The following ZFAT variants were observed in gnomAD, a reference collection of about 807,000 sequenced individuals.
ZFAT encodes zinc finger and AT-hook domain containing, also known as zinc finger protein ZFAT.
ZFAT carries 64 observed loss-of-function variants against 117.7 expected under a neutral mutation model. That is an observed-to-expected ratio of 0.54 (90% confidence interval 0.44 to 0.67). The LOEUF (loss-of-function observed/expected upper bound fraction) is 0.67, where lower values mean the gene tolerates loss of function less well. Among genes scored for constraint, ZFAT ranks in the 30% least tolerant of loss-of-function variants. ZFAT has a pLI of 0.00. For synonymous variants in ZFAT, 679 were observed against 615.0 expected, an observed-to-expected ratio of 1.10 and a Z score of -1.54; for missense variants, 1,433 against 1,584.5, an observed-to-expected ratio of 0.90 and a Z score of 1.62.
chr8:134,601,420 G>T, intron 6 of ZFAT, 57 bp downstream of exon 6: 1 of 1,535,608 alleles, frequency 6.5e-7, no homozygotes, highest in Non-Finnish European at 8.8e-7. Context: ...CAAATGCGAG[G>T]TGACCACAGC....
chr8:134,660,982 G>A (rs1831896069), intron 1 of ZFAT, among the ~76,000 whole-genome samples: 1 of 152,228 alleles, frequency 6.6e-6, no homozygotes, highest in South Asian at 2.1e-4. Context: ...TCTCAGGCAG[G>A]GAAACTGGAC....
chr8:134,753,441 C>T, the ZFAT span, among the ~76,000 whole-genome samples: 2 of 152,318 alleles, frequency 1.3e-5, no homozygotes, highest in East Asian at 3.9e-4. Context: ...GACACACTCG[C>T]ACATGACTGG....
chr8:134,684,818 C>A (rs891055247), intron 1 of ZFAT, among the ~76,000 whole-genome samples: 9 of 152,154 alleles, frequency 5.9e-5, no homozygotes, highest in Non-Finnish European at 1.2e-4. Context: ...AGCCTAACCT[C>A]AAAGTGCCAG....
At chr8:134,762,162 T>C in the ZFAT span, among the ~76,000 whole-genome samples, 2 of 152,184 alleles carry the variant, frequency 1.3e-5, no homozygotes, top group Admixed American at 6.5e-5. Flanking sequence ...AGACATATGC[T>C]CCACCCTCTC....
At chr8:134,755,437 G>T in the ZFAT span, among the ~76,000 whole-genome samples, 2 of 151,368 alleles carry the variant, frequency 1.3e-5, no homozygotes, top group Non-Finnish European at 2.9e-5. Context: ...AGCTTTTAGG[G>T]TGTAAGTGGT....
chr8:134,550,310 G>GAAAAAAAAAAAA lies in ZFAT; in HGVS notation c.2976+15011_2976+15022dup, dbSNP rs10680896. ...ATTCCATCCAGGGTTGGTCACAACGGAAAAAAAAAAAAAAAAAAAAAACAG... is the reference window on the plus strand; with the variant it reads ...ATTCCATCCAGGGTTGGTCACAACGGAAAAAAAAAAAAAAAAAAAAAAAAAAAAAAAAAACAG... On this transcript the variant is annotated intron_variant, in intron 11 of 15. Transcript: ENST00000377838. Among the ~76,000 whole-genome samples the GAAAAAAAAAAAA allele has an allele frequency of 9.6e-3, 697 of 72,470 alleles. 63 individuals are homozygous for GAAAAAAAAAAAA. The highest frequency in any genetic ancestry group is 0.014 in the Non-Finnish European group (551 of 38,860). 47.5% of individuals were successfully genotyped at this position (72,470 alleles called of 152,430 possible).
chr8:134,717,218 G>A (rs1043230696), upstream of ZFAT, among the ~76,000 whole-genome samples: 1 of 152,166 alleles, frequency 6.6e-6, no homozygotes, highest in African/African-American at 2.4e-5. Context: ...TCATGCACAT[G>A]GGAGTGAAGA....
the ZFAT span, among the ~76,000 whole-genome samples, chr8:134,726,338 T>A: frequency 6.6e-6 from 1 of 152,196 alleles, no homozygotes; most frequent in Non-Finnish European, 1.5e-5. Context: ...GATTTTTCCG[T>A]CGGGCAAGCT....
At chr8:134,665,511 A>G (rs1355517407) in intron 1 of ZFAT, among the ~76,000 whole-genome samples, 1 of 152,252 alleles carries the variant, frequency 6.6e-6, no homozygotes, top group Non-Finnish European at 1.5e-5. Flanking sequence ...GATGAGTGGA[A>G]CAAGACAGGG....
At chr8:134,824,720 C>G in the ZFAT span, among the ~76,000 whole-genome samples, 715 of 152,248 alleles carry the variant, frequency 4.7e-3, 9 homozygotes, top group African/African-American at 0.016. Context: ...CAGAACTAAT[C>G]ATATAGCATG....
intron 11 of ZFAT, among the ~76,000 whole-genome samples, chr8:134,551,585 G>T (rs1823171409): frequency 6.6e-6 from 1 of 152,218 alleles, no homozygotes; most frequent in African/African-American, 2.4e-5. Context: ...TTCTGAGGGG[G>T]TGCTGAGACT....
At chr8:134,766,931 G>A in the ZFAT span, 1 of 152,214 alleles carries the variant, frequency 6.6e-6, no homozygotes, top group African/African-American at 2.4e-5. Context: ...CTTAGCCAAA[G>A]CTTCTGCATT....
intron 1 of ZFAT, among the ~76,000 whole-genome samples, chr8:134,695,034 T>C (rs1003998391): frequency 3.9e-5 from 6 of 152,186 alleles, no homozygotes; most frequent in Non-Finnish European, 7.4e-5. Flanking sequence ...CACAGCAGGA[T>C]GGTCGCACCG....
the ZFAT span, among the ~76,000 whole-genome samples, chr8:134,719,561 C>G: frequency 6.6e-6 from 1 of 152,144 alleles, no homozygotes; most frequent in South Asian, 2.1e-4. Context: ...GATTTCAGTT[C>G]TTTCATCTGT....
the ZFAT span, among the ~76,000 whole-genome samples, chr8:134,753,265 G>T: frequency 1.6e-5 from 1 of 62,574 alleles, no homozygotes; most frequent in Non-Finnish European, 3.6e-5. Flanking sequence ...ATCTATTTTG[G>T]GGGGGCAGAG....
chr8:134,539,671 GT>G (rs1822106156), intron 11 of ZFAT, among the ~76,000 whole-genome samples: 1 of 152,224 alleles, frequency 6.6e-6, no homozygotes, highest in African/African-American at 2.4e-5. Flanking sequence ...AAAAGGCCAT[GT>G]AATGGTTATG....
chr8:134,733,895 C>T, the ZFAT span, among the ~76,000 whole-genome samples: 72 of 152,314 alleles, frequency 4.7e-4, no homozygotes, highest in African/African-American at 1.6e-3. Flanking sequence ...CCTCAAAGGC[C>T]CTCTCATTCA....
intron 15 of ZFAT, among the ~76,000 whole-genome samples, chr8:134,492,154 T>C (rs1351200263): frequency 6.6e-6 from 1 of 151,020 alleles, no homozygotes; most frequent in Non-Finnish European, 1.5e-5. Flanking sequence ...AGACTCCACG[T>C]GCTACGGCAA....
the ZFAT span, among the ~76,000 whole-genome samples, chr8:134,772,175 C>T: frequency 3.3e-5 from 5 of 152,134 alleles, no homozygotes; most frequent in Non-Finnish European, 5.9e-5. Flanking sequence ...TCTAAGGGTT[C>T]AAATGAATGG....
Sources: allele counts gnomAD v4.1 joint callset (sites outside exome capture counted in the v4.1 genomes callset), GRCh38; gene constraint gnomAD v4.1.1; transcripts MANE v1.5; gene names NCBI Gene and HGNC (gene_info 2026-07-23, HGNC 2026-07-21).